The following ERAP1 variants were observed in gnomAD, a reference collection of about 807,000 sequenced individuals.
ERAP1 encodes the protein endoplasmic reticulum aminopeptidase 1, also known as adipocyte-derived leucine aminopeptidase.
In ERAP1, 86 loss-of-function variants were observed where a neutral mutation model predicts 103.7. The observed-to-expected ratio is 0.83, with a 90% CI of 0.70 to 0.99. ERAP1 has a LOEUF of 0.99. Ranked by LOEUF, ERAP1 falls within the 50% of genes least tolerant of loss-of-function variation. The pLI is 0.00. For synonymous variants in ERAP1, 398 were observed against 402.4 expected (o/e 0.99, Z 0.13); for missense variants, 1,009 against 1,128.4 (o/e 0.89, Z 1.52).
At chr5:96,881,597 A>C in the ERAP1 span, 3 of 425,886 alleles carry the variant, frequency 7.0e-6, no homozygotes, top group Admixed American at 2.5e-5. Context: ...CTCATGCAAC[A>C]AGAAGTCCAG....
chr5:96,776,411 C>T lies in ERAP1; in HGVS notation c.2811G>A (p.Lys937=). ...DKIRVWLQSE[K]LERM Reference sequence around the variant, plus strand: ...GGAGGAATTTTTACATACGTTCAAGCTTTTCACTTTGCAGCCACACTCTGA... The same window carrying T: ...GGAGGAATTTTTACATACGTTCAAGTTTTTCACTTTGCAGCCACACTCTGA... Residue 937 remains lysine, a synonymous_variant, in exon 19 of 19, where the codon AAG becomes AAA. Coordinates refer to ENST00000443439, the MANE Select transcript of ERAP1 (RefSeq NM_001040458.3). 6.2e-7 allele frequency: 1 copy of T among 1,612,344 alleles called. No individual in the cohort carries two copies. The highest frequency in any genetic ancestry group is 1.1e-5 in the South Asian group (1 of 90,556).
chr5:96,812,274 A>G (rs1010614795), upstream of ERAP1, among the ~76,000 whole-genome samples: 5 of 152,252 alleles, frequency 3.3e-5, no homozygotes, highest in Non-Finnish European at 7.3e-5. Context: ...CTACTATTTC[A>G]AAGAAAACCC....
chr5:96,826,659 G>A, the ERAP1 span, among the ~76,000 whole-genome samples: 1 of 152,138 alleles, frequency 6.6e-6, no homozygotes, highest in Non-Finnish European at 1.5e-5. Flanking sequence ...CCTCCAGTCA[G>A]CCAGCACACG....
the ERAP1 span, among the ~76,000 whole-genome samples, chr5:96,830,434 CA>C: frequency 6.6e-6 from 1 of 152,132 alleles, no homozygotes; most frequent in East Asian, 1.9e-4. Flanking sequence ...GGAACGTGAG[CA>C]AGGATGCTCA....
chr5:96,861,143 A>T, the ERAP1 span, among the ~76,000 whole-genome samples: 1 of 152,092 alleles, frequency 6.6e-6, no homozygotes, highest in African/African-American at 2.4e-5. Flanking sequence ...ATCAATTCCC[A>T]CAAATAAGGC....
At chr5:96,928,897 A>G in the ERAP1 span, among the ~76,000 whole-genome samples, 1 of 152,214 alleles carries the variant, frequency 6.6e-6, no homozygotes, top group Non-Finnish European at 1.5e-5. Flanking sequence ...GATGGGTAAG[A>G]GGGCTCAAGC....
At chr5:96,915,856 G>A in the ERAP1 span, 1 of 1,175,678 alleles carries the variant, frequency 8.5e-7, no homozygotes, top group Non-Finnish European at 1.2e-6. Context: ...CTGATTTGAA[G>A]TTCTCATTTT....
the ERAP1 span, among the ~76,000 whole-genome samples, chr5:96,838,650 T>G: frequency 6.6e-6 from 1 of 152,180 alleles, no homozygotes. Context: ...GTTTTATTAC[T>G]TCCTTCCATA....
At chr5:96,929,269 C>T in the ERAP1 span, among the ~76,000 whole-genome samples, 2 of 152,244 alleles carry the variant, frequency 1.3e-5, no homozygotes, top group African/African-American at 4.8e-5. Flanking sequence ...GCCTCAGTCT[C>T]TCTGCCTTAT....
chr5:96,925,911 CTTTTT>C, the ERAP1 span, among the ~76,000 whole-genome samples: 1 of 105,672 alleles, frequency 9.5e-6, no homozygotes. Flanking sequence ...GTATAATTTG[CTTTTT>C]TTTTTTTTTT....
chr5:96,797,365 A>G lies in ERAP1; in HGVS notation c.664-56T>C, dbSNP rs988229125. 16 of 1,579,218 alleles carry G rather than the reference A, an allele frequency of 1.0e-5. No individual in the cohort carries two copies. In the Admixed American group the frequency reaches 2.2e-4, roughly 21 times the overall value. On this transcript the variant is annotated intron_variant, in intron 3 of 18. Coordinates refer to ENST00000443439, the MANE Select transcript of ERAP1 (RefSeq NM_001040458.3). ...AATCCAATTATCCAATACAGTGAAC[A>G]TGATAAATTTCCTAATTATCAGACA... is the stretch of plus-strand genomic sequence containing the variant.
chr5:96,927,632 G>A, the ERAP1 span, among the ~76,000 whole-genome samples: 1 of 151,676 alleles, frequency 6.6e-6, no homozygotes, highest in Admixed American at 6.6e-5. Flanking sequence ...GACTACAGGC[G>A]CCCGCCACCG....
chr5:96,769,317 C>G (rs1187464913), intron 19 of ERAP1: 1 of 151,848 alleles, frequency 6.6e-6, no homozygotes, highest in African/African-American at 2.4e-5. Context: ...TATTTTTATA[C>G]GTAACCTGCT....
In ERAP1 at chr5:96,795,096, G is replaced by C; in HGVS notation, c.865C>G (p.Leu289Val). Residue 289 changes from leucine to valine, a missense_variant, in exon 5 of 19, where the codon CTT becomes GTT. Physicochemically the swap from Leu to Val is conservative, Grantham distance 32. Around this residue, in one of 3 missense-constraint regions of ERAP1, gnomAD observed 392 missense variants for 455.2 expected, o/e 0.86. Coordinates refer to ENST00000443439, the MANE Select transcript of ERAP1 (RefSeq NM_001040458.3). ...ADYALDAAVT[L>V]LEFYEDYFSI... ...AAATAATCCTCATAAAATTCTAGAA[G>C]AGTCACCGCAGCATCCAGTGCATAA... 6.2e-7 allele frequency: 1 copy of C among 1,613,998 alleles called. No individual in the cohort carries two copies. Among genetic ancestry groups the C allele is most frequent in the Non-Finnish European group, 8.5e-7 (1 of 1,179,988 alleles).
At chr5:96,901,374 C>T in the ERAP1 span, 4 of 977,908 alleles carry the variant, frequency 4.1e-6, no homozygotes, top group Non-Finnish European at 6.1e-6. Context: ...GATTACCCTT[C>T]CCTGAGATAC....
chr5:96,888,626 C>T, the ERAP1 span, among the ~76,000 whole-genome samples: 11,119 of 152,184 alleles, frequency 0.073, 561 homozygotes, highest in Middle Eastern at 0.16. Flanking sequence ...AAAAGTAGCT[C>T]TATACTTGGA....
chr5:96,787,326 T>C (rs1196719734), intron 11 of ERAP1, among the ~76,000 whole-genome samples: 1 of 152,110 alleles, frequency 6.6e-6, no homozygotes, highest in Admixed American at 6.6e-5. Flanking sequence ...AGTGCAGTGG[T>C]GCGATCTCGG....
chr5:96,858,214 CTTCTTT>C, the ERAP1 span, among the ~76,000 whole-genome samples: 1 of 144,592 alleles, frequency 6.9e-6, no homozygotes, highest in African/African-American at 2.5e-5. Context: ...CCTTGTTCTT[CTTCTTT>C]TTTTTTTTTT....
the ERAP1 span, among the ~76,000 whole-genome samples, chr5:96,828,670 C>A: frequency 6.6e-6 from 1 of 152,054 alleles, no homozygotes; most frequent in African/African-American, 2.4e-5. Flanking sequence ...GCCATACTGA[C>A]CCCATCCTGG....
Sources: gnomAD v4.1 joint callset for allele counts (sites outside exome capture counted in the v4.1 genomes callset) on GRCh38, gnomAD v4.1.1 for gene constraint, gnomAD v4.1.1 regional missense constraint, MANE v1.5 for transcripts, NCBI Gene and HGNC (gene_info 2026-07-23, HGNC 2026-07-21) for gene names.